The following DICER1 variants were observed in gnomAD, a reference collection of about 807,000 sequenced individuals.
DICER1 encodes endoribonuclease Dicer.
In DICER1, 43 loss-of-function variants were observed where a neutral mutation model predicts 194.1. The ratio of observed to expected loss-of-function variants is 0.22; its 90% CI spans 0.17 to 0.29. DICER1 has a LOEUF of 0.29. DICER1 is among the 10% of genes least tolerant of loss of function. DICER1 has a pLI of 1.00. For synonymous variants in DICER1, 832 were observed against 820.5 expected (o/e 1.01, Z -0.24); for missense variants, 1,608 against 2,317.0 (o/e 0.69, Z 6.28).
At chr14:95,126,844 G>C in intron 6 of DICER1, 96 bp from the exon 7 acceptor site, 6 of 542,240 alleles carry the variant, frequency 1.1e-5, no homozygotes, top group Non-Finnish European at 1.5e-5. Flanking sequence ...AAAGGGAATA[G>C]ATACTAAAAA....
At position 95,096,508 on chromosome 14, in the gene DICER1, G is replaced by T. The variant is rs1060503657; in HGVS notation, c.4412C>A (p.Pro1471His). The change falls in exon 23 of 27, where the codon CCT (proline) becomes CAT (histidine). Residue 1471 changes from proline (P) to histidine (H), a missense_variant. This residue lies in a region of DICER1 where 164 missense variants were observed against 183.7 expected (regional missense o/e 0.89). Transcript: ENST00000343455. ...GAFVKKISLS[P>H]FSTTDSAYEW... The stretch of plus-strand genomic sequence containing the variant: ...ATATGCAGAATCAGTGGTTGAAAAA[G>T]GAGAAAGAGAGATTTTCTTTACAAA... 2.5e-6 allele frequency: 4 copies of T among 1,614,032 alleles called. No individual in the cohort carries two copies. The highest frequency in any genetic ancestry group is 3.4e-6 in the Non-Finnish European group (4 of 1,179,930).
In DICER1 at chr14:95,157,456, G is replaced by C. The variant is rs115683360; in HGVS notation, c.-272C>G. 2 of 152,488 alleles carry C rather than the reference G, an allele frequency of 1.3e-5. No homozygotes were observed. The highest frequency in any genetic ancestry group is 2.4e-5 in the African/African-American group (1 of 41,420). 9.4% of individuals were successfully genotyped at this position (152,488 alleles called of 1,614,324 possible). On this transcript the variant is annotated 5_prime_UTR_variant, in exon 1 of 27. Coordinates refer to ENST00000343455, the MANE Select transcript of DICER1 (RefSeq NM_177438.3). ...CCTCCCGCCGGCGCCTGCGGAGACT[G>C]CGCAGCGCCCGGCTGGCCGGCAGCC...
intron 3 of DICER1, 107 bp downstream of exon 3, chr14:95,132,408 G>A: frequency 8.0e-7 from 1 of 1,248,570 alleles, no homozygotes; most frequent in African/African-American, 1.5e-5. Context: ...TACATTATCT[G>A]TCAAACTTTC....
At chr14:95,145,461 A>G (rs980653985) in intron 1 of DICER1, among the ~76,000 whole-genome samples, 2 of 152,250 alleles carry the variant, frequency 1.3e-5, no homozygotes, top group Non-Finnish European at 2.9e-5. Flanking sequence ...ACATTATTTC[A>G]CTGAACTGTT....
chr14:95,157,323 G>GCCGCCC lies in DICER1; in HGVS notation c.-145_-140dup, dbSNP rs1895960434. On this transcript the variant is annotated 5_prime_UTR_variant, in exon 1 of 27. Coordinates refer to ENST00000343455, the MANE Select transcript of DICER1 (RefSeq NM_177438.3). ...AGGCCTCCCGGAGCCGCCCGGCGCC[G>GCCGCCC]CCGCCCCCGCCGCCATTTCCTCGCG... is the stretch of plus-strand genomic sequence containing the variant. The GCCGCCC allele has an allele frequency of 6.4e-6, 1 of 155,104 alleles. No homozygotes were observed. Among genetic ancestry groups the GCCGCCC allele is most frequent in the South Asian group, 1.8e-4 (1 of 5,574 alleles). 9.6% of individuals were successfully genotyped at this position (155,104 alleles called of 1,614,324 possible).
chr14:95,147,840 T>C (rs1895238707), intron 1 of DICER1, among the ~76,000 whole-genome samples: 1 of 152,184 alleles, frequency 6.6e-6, no homozygotes, highest in Non-Finnish European at 1.5e-5. Flanking sequence ...CTCCTGGGAT[T>C]TAACTTGCTA....
chr14:95,130,213 G>A (rs2140268044), intron 4 of DICER1, 21 bp from the exon 5 acceptor site: 1 of 1,608,482 alleles, frequency 6.2e-7, no homozygotes, highest in South Asian at 1.1e-5. Context: ...ATCAACATCA[G>A]TAAACAAACA....
chr14:95,097,970 T>C (rs1174465224), intron 22 of DICER1, among the ~76,000 whole-genome samples: 1 of 152,192 alleles, frequency 6.6e-6, no homozygotes, highest in East Asian at 1.9e-4. Context: ...ATGTTTTTGA[T>C]TGGTCCTTAA....
chr14:95,141,888 C>G (rs1208309900), intron 1 of DICER1: 2 of 152,134 alleles, frequency 1.3e-5, no homozygotes, highest in African/African-American at 4.8e-5. Flanking sequence ...AAAAGAACTG[C>G]CCTTTAAAAT....
At chr14:95,136,522 T>G (rs943306358) in intron 1 of DICER1, 1 of 152,188 alleles carries the variant, frequency 6.6e-6, no homozygotes, top group Non-Finnish European at 1.5e-5. Context: ...TTTTTTAATT[T>G]TTTGTAGAGA....
At chr14:95,092,309 G>A (rs887583008) in intron 24 of DICER1, among the ~76,000 whole-genome samples, 12 of 152,080 alleles carry the variant, frequency 7.9e-5, no homozygotes, top group African/African-American at 2.4e-4. Flanking sequence ...CTCCCAAAAT[G>A]TTAATATTGG....
chr14:95,113,303 C>A, intron 11 of DICER1, 79 bp from the exon 12 acceptor site: 1 of 1,370,964 alleles, frequency 7.3e-7, no homozygotes, highest in South Asian at 1.2e-5. Flanking sequence ...TTTGATTTGT[C>A]ATGTGCCTCT....
rs2139995072 is a variant in DICER1 at position 95,105,758 on chromosome 14, A to G, written c.3013T>C (p.Leu1005=). 1 of 1,614,164 alleles carries G rather than the reference A, an allele frequency of 6.2e-7. No individual in the cohort carries two copies. Among genetic ancestry groups the G allele is most frequent in the African/African-American group, 1.3e-5 (1 of 75,054 alleles). ...GGAAGCGCTTTCCCCTTCTGATTCA[A>G]ATGTCGAGGTGTCAAAAGATTAAGT... ...SRLNLLTPRH[L]NQKGKALPLS... Residue 1005 remains leucine (L), a synonymous_variant, in exon 19 of 27, where the codon TTG becomes CTG. Transcript: ENST00000343455. This position sits in a 1 kb window ranked among gnomAD's most constrained non-coding sequence, Gnocchi z 4.9.
chr14:95,143,397 C>T (rs1439809363), intron 1 of DICER1, among the ~76,000 whole-genome samples: 1 of 152,014 alleles, frequency 6.6e-6, no homozygotes, highest in Non-Finnish European at 1.5e-5. Flanking sequence ...GATTTTATTT[C>T]TCCCTCCCTT....
chr14:95,093,329 A>G (rs144769412), intron 24 of DICER1, among the ~76,000 whole-genome samples: 101 of 152,360 alleles, frequency 6.6e-4, no homozygotes, highest in African/African-American at 2.4e-3. Context: ...AATAGCTCAC[A>G]AACACATTAG....
At chr14:95,149,433 C>T (rs1895366320) in intron 1 of DICER1, among the ~76,000 whole-genome samples, 1 of 152,174 alleles carries the variant, frequency 6.6e-6, no homozygotes, top group Non-Finnish European at 1.5e-5. Context: ...GAGTTCGCCA[C>T]CTCTCACGAA....
chr14:95,130,739 A>C (rs1893882706), intron 4 of DICER1, among the ~76,000 whole-genome samples: 1 of 152,204 alleles, frequency 6.6e-6, no homozygotes, highest in Admixed American at 6.5e-5. Context: ...ACACACCAAA[A>C]GCCCCAGTAC....
intron 6 of DICER1, 81 bp downstream of exon 6, chr14:95,129,391 G>C: frequency 7.4e-7 from 1 of 1,355,222 alleles, no homozygotes; most frequent in Non-Finnish European, 1.1e-6. Context: ...GGTACTCTCT[G>C]CAAGGTACTA....
intron 1 of DICER1, among the ~76,000 whole-genome samples, chr14:95,142,840 G>A (rs1196080818): frequency 6.6e-6 from 1 of 152,168 alleles, no homozygotes; most frequent in Non-Finnish European, 1.5e-5. Context: ...ACTAAATGCA[G>A]TAACGAGGCT....
Sources: allele counts gnomAD v4.1 joint callset (sites outside exome capture counted in the v4.1 genomes callset), GRCh38; gene constraint gnomAD v4.1.1; regional missense constraint gnomAD v4.1.1; non-coding constraint Gnocchi (gnomAD v3.1); transcripts MANE v1.5; gene names NCBI Gene and HGNC (gene_info 2026-07-23, HGNC 2026-07-21).